FGD6: variants seen among roughly 807,000 people sequenced by gnomAD.
FGD6 encodes FYVE, RhoGEF and PH domain containing 6, also known as FYVE, RhoGEF and PH domain-containing protein 6.
In FGD6, 90 loss-of-function variants were observed where a neutral mutation model predicts 149.4. The ratio of observed to expected loss-of-function variants is 0.60; its 90% confidence interval spans 0.51 to 0.72. The LOEUF is 0.72. Among genes scored for constraint, FGD6 ranks in the 30% least tolerant of loss-of-function variants. FGD6 has a pLI of 0.00. For missense variants in FGD6, 1,437 were observed against 1,684.8 expected, an observed-to-expected ratio of 0.85 and a Z score of 2.57; for synonymous variants, 527 against 584.0, an observed-to-expected ratio of 0.90 and a Z score of 1.41.
chr12:95,146,700 A>G (rs1207913688), intron 5 of FGD6, among the ~76,000 whole-genome samples: 1 of 152,180 alleles, frequency 6.6e-6, no homozygotes, highest in African/African-American at 2.4e-5. Context: ...TTTAATGTGG[A>G]ATTTGTAGAG....
chr12:95,118,403 A>G (rs1879088144), intron 8 of FGD6, among the ~76,000 whole-genome samples: 1 of 151,770 alleles, frequency 6.6e-6, no homozygotes, highest in African/African-American at 2.4e-5. Context: ...AATATATACT[A>G]TATCTTGTTG....
intron 8 of FGD6, chr12:95,125,833 T>C (rs565818730): frequency 4.9e-5 from 49 of 1,007,034 alleles, no homozygotes; most frequent in Non-Finnish European, 6.3e-5. Flanking sequence ...GGAAAATTCA[T>C]TGTGATCATA....
chr12:95,094,695 C>T lies in FGD6; in HGVS notation c.3498-1G>A. The T allele has an allele frequency of 6.2e-7, 1 of 1,607,390 alleles. No individual in the cohort carries two copies. The highest frequency in any genetic ancestry group is 1.1e-5 in the South Asian group (1 of 90,408). Reference sequence around the variant, plus strand: ...CCATTCATCCCTTTCTGTGGCAGAACTGTTGGGGGCAAAAGGTTTCATCAA... The same window carrying T: ...CCATTCATCCCTTTCTGTGGCAGAATTGTTGGGGGCAAAAGGTTTCATCAA... On this transcript the variant is annotated splice_acceptor_variant, in intron 14 of 20. Coordinates refer to ENST00000343958, the MANE Select transcript of FGD6 (RefSeq NM_018351.4). LOFTEE classifies it high-confidence loss of function.
chr12:95,093,676 CAAA>C (rs35498911), intron 15 of FGD6, among the ~76,000 whole-genome samples: 1 of 137,302 alleles, frequency 7.3e-6, no homozygotes, highest in Non-Finnish European at 1.6e-5. Flanking sequence ...AACTCTGTCT[CAAA>C]AAAAAAAAAA....
intron 2 of FGD6, among the ~76,000 whole-genome samples, chr12:95,203,875 T>C (rs1479118151): frequency 1.3e-5 from 2 of 152,210 alleles, no homozygotes; most frequent in Non-Finnish European, 2.9e-5. Flanking sequence ...ATTTGGACAC[T>C]ATTATTTTGC....
intron 6 of FGD6, among the ~76,000 whole-genome samples, chr12:95,138,359 C>T (rs1879742206): frequency 6.6e-6 from 1 of 152,002 alleles, no homozygotes; most frequent in African/African-American, 2.4e-5. Context: ...GCCTGGCCAA[C>T]ATGGTAAAAC....
At chr12:95,194,109 G>A (rs1235804112) in intron 2 of FGD6, among the ~76,000 whole-genome samples, 1 of 151,854 alleles carries the variant, frequency 6.6e-6, no homozygotes, top group Non-Finnish European at 1.5e-5. Context: ...ATTTTTTGTA[G>A]AGATGGAGTC....
At chr12:95,100,832 C>T in intron 14 of FGD6, 1 of 397,092 alleles carries the variant, frequency 2.5e-6, no homozygotes, top group South Asian at 2.1e-5. Context: ...CAGGACCTTG[C>T]CGTCTTGTTG....
intron 7 of FGD6, among the ~76,000 whole-genome samples, chr12:95,136,720 A>C (rs1216245700): frequency 1.3e-5 from 2 of 152,226 alleles, no homozygotes; most frequent in Non-Finnish European, 2.9e-5. Context: ...AAGAAGTTAA[A>C]TTAAAAGTTA....
At chr12:95,138,593 C>T (rs1057357025) in intron 6 of FGD6, among the ~76,000 whole-genome samples, 2 of 152,006 alleles carry the variant, frequency 1.3e-5, no homozygotes, top group African/African-American at 2.4e-5. Context: ...CATACAAAGG[C>T]CTGCCCTTTC....
intron 7 of FGD6, among the ~76,000 whole-genome samples, chr12:95,137,108 T>C (rs903248157): frequency 3.9e-5 from 6 of 152,082 alleles, no homozygotes; most frequent in African/African-American, 1.4e-4. Flanking sequence ...TGAAACCCCA[T>C]CTCCACTAAA....
In FGD6 at chr12:95,217,280, A is replaced by T. The variant is rs1421932973; in HGVS notation, c.-40T>A. The T allele has an allele frequency of 6.3e-7, 1 of 1,595,486 alleles. No individual in the cohort carries two copies. Among genetic ancestry groups the T allele is most frequent in the Non-Finnish European group, 8.6e-7 (1 of 1,167,506 alleles). On this transcript the variant is annotated 5_prime_UTR_variant, in exon 1 of 21. The change creates a new upstream start codon in the 5' untranslated region. Transcript: ENST00000343958. ...GCTCGCTTCCCCGCTCGGCCCCTCA[A>T]TCCATCTTCCCCTTTCAGTCCATTG... is the stretch of plus-strand genomic sequence containing the variant.
rs984946831 is a variant in FGD6, at chr12:95,211,340, G to A, written c.17-73C>T. ...AAATGATACATGATTAAATCTGATA[G>A]CATTTTTTATTTTTAACAATATGAC... is the stretch of plus-strand genomic sequence containing the variant. On this transcript the variant is annotated intron_variant, in intron 1 of 20. Transcript: ENST00000343958. 3 of 1,483,668 alleles carry A rather than the reference G, an allele frequency of 2.0e-6. No homozygotes were observed. In the African/African-American group the frequency reaches 4.2e-5, roughly 21 times the overall value. 91.9% of individuals were successfully genotyped at this position (1,483,668 alleles called of 1,614,324 possible). A position where few individuals can be genotyped will look rare whatever the true frequency, so the allele number is the denominator to read the frequency against.
intron 3 of FGD6, among the ~76,000 whole-genome samples, chr12:95,170,956 C>T (rs1487078529): frequency 6.6e-6 from 1 of 152,102 alleles, no homozygotes; most frequent in Non-Finnish European, 1.5e-5. Flanking sequence ...AGTGGTTATT[C>T]CCAACACCAT....
intron 14 of FGD6, among the ~76,000 whole-genome samples, chr12:95,104,184 G>A (rs1264305987): frequency 6.6e-6 from 1 of 152,152 alleles, no homozygotes; most frequent in Non-Finnish European, 1.5e-5. Flanking sequence ...TAAATCAAGA[G>A]TAAAACTGCA....
intron 2 of FGD6, among the ~76,000 whole-genome samples, chr12:95,200,447 G>A (rs1592874612): frequency 1.3e-5 from 2 of 152,118 alleles, no homozygotes; most frequent in East Asian, 3.9e-4. Context: ...TGAGGGCTCA[G>A]AACCACTAAT....
chr12:95,201,174 G>A (rs2056660644), intron 2 of FGD6, among the ~76,000 whole-genome samples: 1 of 152,108 alleles, frequency 6.6e-6, no homozygotes, highest in African/African-American at 2.4e-5. Context: ...ATGAATATGT[G>A]AAATATGAAT....
At chr12:95,183,239 C>T (rs1336900639) in intron 2 of FGD6, among the ~76,000 whole-genome samples, 1 of 152,214 alleles carries the variant, frequency 6.6e-6, no homozygotes, top group East Asian at 1.9e-4. Flanking sequence ...GTCTGCCTAG[C>T]CCTGAGAAGT....
At chr12:95,086,154 G>GT (rs1275078002) in intron 18 of FGD6, among the ~76,000 whole-genome samples, 1 of 152,144 alleles carries the variant, frequency 6.6e-6, no homozygotes, top group East Asian at 1.9e-4. Context: ...ACGTGTTTGC[G>GT]TATGTTTCTT....
Sources: gnomAD v4.1 joint callset for allele counts (sites outside exome capture counted in the v4.1 genomes callset) on GRCh38, gnomAD v4.1.1 for gene constraint, MANE v1.5 for transcripts, NCBI Gene and HGNC (gene_info 2026-07-23, HGNC 2026-07-21) for gene names.